SLC2A5: variants seen among roughly 807,000 people sequenced by gnomAD.
SLC2A5 encodes solute carrier family 2 member 5.
SLC2A5 carries 56 observed loss-of-function variants against 50.3 expected under a neutral mutation model. The ratio of observed to expected loss-of-function variants is 1.11; its 90% CI spans 0.90 to 1.39. The LOEUF is 1.39. Ranked by LOEUF, SLC2A5 falls within the 40% of genes most tolerant of loss-of-function variation. SLC2A5 has a pLI of 0.00. For missense variants in SLC2A5, 566 were observed against 650.1 expected (o/e 0.87, Z 1.41); for synonymous variants, 269 against 281.9 (o/e 0.95, Z 0.46).
chr1:9,093,508 A>G, the SLC2A5 span, among the ~76,000 whole-genome samples: 2 of 152,174 alleles, frequency 1.3e-5, no homozygotes, highest in Admixed American at 6.5e-5. Context: ...ACCTTACTAC[A>G]GACCATCAGT....
rs34593630 is a variant in SLC2A5, at chr1:9,086,387, C to CTTTTTTTTTT, written c.-187-1255_-187-1246dup. Reference sequence around the variant, plus strand: ...AGGCTGGGATTTTCTTTTTCTCTCTCTTTTTTTTTTTTTTTTATTGAGATG... The same window carrying CTTTTTTTTTT: ...AGGCTGGGATTTTCTTTTTCTCTCTCTTTTTTTTTTTTTTTTTTTTTTTTTTATTGAGATG... On this transcript the variant is annotated intron_variant, in intron 1 of 5. Transcript: ENST00000464985. 8.1e-3 allele frequency among the ~76,000 whole-genome samples: 1,132 copies of CTTTTTTTTTT among 140,426 alleles called. 13 individuals carry two copies. Among genetic ancestry groups the CTTTTTTTTTT allele is most frequent in the African/African-American group, 0.029 (1,084 of 37,594 alleles). 92.1% of individuals were successfully genotyped at this position (140,426 alleles called of 152,430 possible).
chr1:9,042,638 GGTGTGTGTGTGGCCTGGGTGTGTGT>G (rs1290723995), intron 4 of SLC2A5, among the ~76,000 whole-genome samples: 9 of 139,470 alleles, frequency 6.5e-5, no homozygotes, highest in African/African-American at 1.6e-4. Flanking sequence ...TGTGTGTGTG[GGTGTGTGTGTGGCCTGGGTGTGTGT>G]GTGTGTGTGT....
chr1:9,045,363 T>C (rs898630352), intron 4 of SLC2A5, among the ~76,000 whole-genome samples: 2 of 152,162 alleles, frequency 1.3e-5, no homozygotes, highest in African/African-American at 4.8e-5. Flanking sequence ...ATTTTAAGTG[T>C]GTAAAGGGGT....
chr1:9,059,143 T>C (rs1050434708), intron 1 of SLC2A5, among the ~76,000 whole-genome samples: 4 of 96,322 alleles, frequency 4.2e-5, no homozygotes, highest in African/African-American at 1.3e-4. Context: ...TTTCTTTTTT[T>C]TTTTTTTTTT....
intron 1 of SLC2A5, among the ~76,000 whole-genome samples, chr1:9,067,858 G>A (rs530797023): frequency 6.7e-4 from 102 of 152,262 alleles, no homozygotes; most frequent in African/African-American, 2.3e-3. Flanking sequence ...ATCACGCGGA[G>A]GTGGAGAAAC....
chr1:9,054,461 A>C lies in SLC2A5; in HGVS notation c.293+2987T>G, dbSNP rs192505997. ...TTCCGGGATTTTGAGAAGCTGACTT[A>C]AAATTTTAAATGGAAGAGTAAAGGA... On this transcript the variant is annotated intron_variant, in intron 3 of 11. Transcript: ENST00000377424. 4.4e-3 allele frequency among the ~76,000 whole-genome samples: 677 copies of C among 152,322 alleles called. 4 individuals carry two copies. The highest frequency in any genetic ancestry group is 0.011 in the Admixed American group (162 of 15,280).
intron 4 of SLC2A5, among the ~76,000 whole-genome samples, chr1:9,045,378 GA>G (rs1184615917): frequency 6.6e-6 from 1 of 152,166 alleles, no homozygotes; most frequent in Non-Finnish European, 1.5e-5. Context: ...AGGGGTCTGA[GA>G]CCAAAAACTG....
intron 1 of SLC2A5, among the ~76,000 whole-genome samples, chr1:9,061,911 A>G (rs1641954795): frequency 6.6e-6 from 1 of 152,222 alleles, no homozygotes; most frequent in Admixed American, 6.5e-5. Flanking sequence ...CAGAGAGACT[A>G]TGGAGGAGAG....
chr1:9,070,997 A>ATTTCAAAGATCTAGAAAAAGT (rs1553171521), upstream of SLC2A5, among the ~76,000 whole-genome samples: 1 of 152,150 alleles, frequency 6.6e-6, no homozygotes, highest in African/African-American at 2.4e-5. Context: ...GTTTCCAATT[A>ATTTCAAAGATCTAGAAAAAGT]TTTCAAAGAT....
At chr1:9,085,332 T>C (rs1426474936) in intron 1 of SLC2A5, among the ~76,000 whole-genome samples, 2 of 152,190 alleles carry the variant, frequency 1.3e-5, no homozygotes, top group Non-Finnish European at 2.9e-5. Flanking sequence ...AAATACATTG[T>C]TTTGGTCTAG....
At chr1:9,065,346 G>A (rs1289386482) in intron 1 of SLC2A5, among the ~76,000 whole-genome samples, 1 of 152,174 alleles carries the variant, frequency 6.6e-6, no homozygotes, top group African/African-American at 2.4e-5. Context: ...CAAGGTCACT[G>A]GGAAGGAAGC....
intron 3 of SLC2A5, among the ~76,000 whole-genome samples, chr1:9,051,518 C>T (rs544890617): frequency 1.8e-4 from 27 of 152,174 alleles, no homozygotes; most frequent in African/African-American, 2.6e-4. Context: ...CACCAAGATA[C>T]GCAGATGGGA....
rs201805726 is a variant in SLC2A5, at chr1:9,037,762, C to A, written c.1330G>T (p.Val444Phe). The change falls in exon 12 of 12, where the codon GTC becomes TTC. Residue 444 changes from valine (V) to phenylalanine (F), a missense_variant. By Grantham distance (50) the Val-to-Phe change is conservative. Transcript: ENST00000377424. The stretch of plus-strand genomic sequence containing the variant: ...GTGAGGAGGCAGATCACGGCGAAGA[C>A]AATGAAGCTGTACGGGCCGAGGCCC... Reference protein sequence around the residue: ...QEGLGPYSFIVFAVICLLTTI... With the variant: ...QEGLGPYSFIFFAVICLLTTI... 14 of 1,614,158 alleles carry A rather than the reference C, an allele frequency of 8.7e-6. No homozygotes were observed. The East Asian group carries it at 2.2e-4, about 26-fold the overall frequency.
At chr1:9,089,700 C>T (rs1642442394), upstream of SLC2A5, among the ~76,000 whole-genome samples, 1 of 152,220 alleles carries the variant, frequency 6.6e-6, no homozygotes, top group Non-Finnish European at 1.5e-5. Flanking sequence ...TGGCCTAACC[C>T]CTGGCTGCCC....
Position 9,037,259 on chromosome 1 carries a change from T to C in SLC2A5, c.*327A>G. On this transcript the variant is annotated 3_prime_UTR_variant, in exon 12 of 12. Transcript: ENST00000377424. ...ACTATAGTAACTGTTGTTGTTATGTTACCAGGAGCCACACAAAGGTTGACC... is the reference window on the plus strand; with the variant it reads ...ACTATAGTAACTGTTGTTGTTATGTCACCAGGAGCCACACAAAGGTTGACC... 3.1e-6 allele frequency: 1 copy of C among 325,556 alleles called. No individual in the cohort carries two copies. Among genetic ancestry groups the C allele is most frequent in the South Asian group, 3.3e-5 (1 of 30,364 alleles). 20.2% of individuals were successfully genotyped at this position (325,556 alleles called of 1,614,324 possible).
intron 1 of SLC2A5, among the ~76,000 whole-genome samples, chr1:9,060,129 C>A (rs376744451): frequency 4.5e-5 from 6 of 132,574 alleles, no homozygotes; most frequent in African/African-American, 1.4e-4. Context: ...TACACACACA[C>A]AACACACACA....
At chr1:9,039,342 C>T (rs200829260) in intron 8 of SLC2A5, among the ~76,000 whole-genome samples, 1 of 152,244 alleles carries the variant, frequency 6.6e-6, no homozygotes, top group Non-Finnish European at 1.5e-5. Flanking sequence ...GCCTACATCC[C>T]GGTCAGGTGG....
chr1:9,052,544 A>G (rs1172329938), intron 3 of SLC2A5, among the ~76,000 whole-genome samples: 47 of 152,184 alleles, frequency 3.1e-4, no homozygotes, highest in Admixed American at 3.1e-3. Flanking sequence ...CCTAATGTAC[A>G]CTATGAACCT....
chr1:9,068,565 C>T (rs1262177122), intron 1 of SLC2A5, among the ~76,000 whole-genome samples: 1 of 151,634 alleles, frequency 6.6e-6, no homozygotes, highest in African/African-American at 2.4e-5. Flanking sequence ...GATTCTCCTG[C>T]CTCAGCCTCC....
Sources: gnomAD v4.1 joint callset for allele counts (sites outside exome capture counted in the v4.1 genomes callset) on GRCh38, gnomAD v4.1.1 for gene constraint, MANE v1.5 for transcripts, NCBI Gene and HGNC (gene_info 2026-07-23, HGNC 2026-07-21) for gene names.